The following KCNQ2 variants were observed in gnomAD, a reference collection of about 807,000 sequenced individuals.
KCNQ2 encodes potassium voltage-gated channel subfamily KQT member 2.
A neutral mutation model predicts 84.8 loss-of-function variants in KCNQ2; 14 were observed. That is an observed-to-expected ratio of 0.17 (90% CI 0.11 to 0.26). KCNQ2 has a LOEUF of 0.26. KCNQ2 is among the 10% of genes least tolerant of loss of function. KCNQ2 has a pLI of 1.00. For synonymous variants in KCNQ2, 599 were observed against 554.1 expected (o/e 1.08, Z -1.14); for missense variants, 788 against 1,254.0 (o/e 0.63, Z 5.61).
intron 1 of KCNQ2, among the ~76,000 whole-genome samples, chr20:63,471,458 C>G (rs924889641): frequency 6.6e-6 from 1 of 152,254 alleles, no homozygotes; most frequent in East Asian, 1.9e-4. Context: ...GCCGCAGCCC[C>G]TCCCCCGGGC....
intron 4 of KCNQ2, among the ~76,000 whole-genome samples, chr20:63,443,436 C>CCAT (rs2081315410): frequency 5.0e-5 from 3 of 60,208 alleles, no homozygotes; most frequent in East Asian, 1.1e-3. Context: ...ATCACCATCA[C>CCAT]CATCACCACC....
In KCNQ2 at chr20:63,400,386, C is replaced by T. The variant is rs2079784877; in HGVS notation, c.*6258G>A. 1.0e-5 allele frequency: 4 copies of T among 382,968 alleles called. No homozygotes were observed. Among genetic ancestry groups the T allele is most frequent in the South Asian group, 2.9e-4 (2 of 6,840 alleles). 23.7% of individuals were successfully genotyped at this position (382,968 alleles called of 1,614,324 possible). A position where few individuals can be genotyped will look rare whatever the true frequency, so the allele number is the denominator to read the frequency against. ...CTTACGGCTCTGGCATCAACCTGTC[C>T]GTGTGAGTAAGTTAATATCTCAGCT... On this transcript the variant is annotated 3_prime_UTR_variant, in exon 17 of 17. Transcript: ENST00000359125. The surrounding 1 kb of genome is among the most constrained non-coding windows in gnomAD (Gnocchi z 8.7).
In KCNQ2 at chr20:63,436,846, G is replaced by A. The variant is rs373540914; in HGVS notation, c.1023+1779C>T. Reference sequence around the variant, plus strand: ...GGCTGGAATGCAGTGGCGCAATCTCGGCTCACTGCAACCTCCGTCTCCCGG... The same window carrying A: ...GGCTGGAATGCAGTGGCGCAATCTCAGCTCACTGCAACCTCCGTCTCCCGG... On this transcript the variant is annotated intron_variant, in intron 7 of 16. Coordinates refer to ENST00000359125, the MANE Select transcript of KCNQ2 (RefSeq NM_172107.4). Among the ~76,000 whole-genome samples the A allele has an allele frequency of 1.6e-3, 229 of 141,882 alleles. 1 individual carries two copies. The highest frequency in any genetic ancestry group is 4.9e-3 in the African/African-American group (184 of 37,652). 93.1% of individuals were successfully genotyped at this position (141,882 alleles called of 152,430 possible). A position where few individuals can be genotyped will look rare whatever the true frequency, so the allele number is the denominator to read the frequency against.
At chr20:63,453,674 A>G (rs1431959092) in intron 1 of KCNQ2, 1 of 152,458 alleles carries the variant, frequency 6.6e-6, no homozygotes, top group Non-Finnish European at 1.5e-5. Context: ...CAGCAGAGCC[A>G]CGCACATAAT....
chr20:63,461,595 TC>T (rs2081948397), intron 1 of KCNQ2, among the ~76,000 whole-genome samples: 1 of 151,870 alleles, frequency 6.6e-6, no homozygotes, highest in Non-Finnish European at 1.5e-5. Context: ...TCCTCCCCCA[TC>T]CCCAAGAGTG....
intron 12 of KCNQ2, among the ~76,000 whole-genome samples, chr20:63,417,888 A>G (rs542442157): frequency 1.3e-5 from 2 of 152,294 alleles, no homozygotes; most frequent in East Asian, 1.9e-4. Context: ...GACGCAGCCC[A>G]CGTGTACTGC....
rs1348873077 is a variant in KCNQ2 at position 63,401,443 on chromosome 20, T to C, written c.*5201A>G. On this transcript the variant is annotated 3_prime_UTR_variant, in exon 17 of 17. Coordinates refer to ENST00000359125, the MANE Select transcript of KCNQ2 (RefSeq NM_172107.4). ...CCTGCGTATTCCCTCGACCCCGGAG[T>C]CCACCATCCCACATCCTTCAGGAAG... 1 of 152,286 alleles carries C rather than the reference T, an allele frequency of 6.6e-6. No individual in the cohort carries two copies. Among genetic ancestry groups the C allele is most frequent in the Non-Finnish European group, 1.5e-5 (1 of 68,178 alleles). 9.4% of individuals were successfully genotyped at this position (152,286 alleles called of 1,614,324 possible).
rs1258611557 is a variant in KCNQ2, at chr20:63,407,306, T to G, written c.1957A>C (p.Thr653Pro). ...IYMQRMGIPP[T>P]ETEAYFGAKE... The stretch of plus-strand genomic sequence containing the variant: ...GCCCCAAAGTAGGCCTCGGTCTCTG[T>G]CGGGGGGATGCCCATCCGCTGCATG... Residue 653 changes from threonine to proline, a missense_variant, in exon 17 of 17, where the codon ACA becomes CCA. Around this residue, in one of 8 missense-constraint regions of KCNQ2, gnomAD observed 378 missense variants for 434.5 expected, o/e 0.87. Transcript: ENST00000359125. This position sits in a 1 kb window ranked among gnomAD's most constrained non-coding sequence, Gnocchi z 7.2. The G allele has an allele frequency of 6.3e-7, 1 of 1,596,386 alleles. No homozygotes were observed. The highest frequency in any genetic ancestry group is 8.5e-7 in the Non-Finnish European group (1 of 1,178,084).
At position 63,408,638 on chromosome 20, in the gene KCNQ2, C is replaced by T. The variant is rs1014377254; in HGVS notation, c.1764-102G>A. On this transcript the variant is annotated intron_variant, in intron 15 of 16. Coordinates refer to ENST00000359125, the MANE Select transcript of KCNQ2 (RefSeq NM_172107.4). This position sits in a 1 kb window ranked among gnomAD's most constrained non-coding sequence, Gnocchi z 5.0. Reference sequence around the variant, plus strand: ...CCACAGTGCCCCTGGGTCTAGGCTGCAGGCTCAGCCCAGAGCCGACCAGGG... The same window carrying T: ...CCACAGTGCCCCTGGGTCTAGGCTGTAGGCTCAGCCCAGAGCCGACCAGGG... 6 of 1,532,262 alleles carry T rather than the reference C, an allele frequency of 3.9e-6. No homozygotes were observed. Among genetic ancestry groups the T allele is most frequent in the Admixed American group, 3.8e-5 (2 of 52,292 alleles). The allele number at this position is 1,532,262 out of a possible 1,614,324, so 94.9% of individuals were successfully genotyped here. A position where few individuals can be genotyped will look rare whatever the true frequency, so the allele number is the denominator to read the frequency against.
chr20:63,447,842 C>T (rs1283042122), intron 1 of KCNQ2, among the ~76,000 whole-genome samples: 1 of 152,200 alleles, frequency 6.6e-6, no homozygotes, highest in Non-Finnish European at 1.5e-5. Flanking sequence ...AGTGATGCTC[C>T]CGCCTCGGCC....
At chr20:63,442,674 C>CCACCATCACCAT (rs2081207129) in intron 4 of KCNQ2, 143 bp from the exon 5 acceptor site, 1 of 522,880 alleles carries the variant, frequency 1.9e-6, no homozygotes. Flanking sequence ...ACCACCACCA[C>CCACCATCACCAT]CACCACCACC....
intron 7 of KCNQ2, among the ~76,000 whole-genome samples, chr20:63,437,966 C>T (rs941195443): frequency 2.0e-5 from 3 of 152,300 alleles, no homozygotes; most frequent in East Asian, 1.9e-4. Flanking sequence ...CACGCCACCA[C>T]GCCCAGCTAA....
chr20:63,454,897 G>A (rs972959867), intron 1 of KCNQ2, among the ~76,000 whole-genome samples: 38 of 152,216 alleles, frequency 2.5e-4, no homozygotes, highest in Non-Finnish European at 2.1e-4. Context: ...GAGGCCTCTC[G>A]GGACGGGGCC....
chr20:63,401,126 G>C lies in KCNQ2; in HGVS notation c.*5518C>G, dbSNP rs557862525. On this transcript the variant is annotated 3_prime_UTR_variant, in exon 17 of 17. Coordinates refer to ENST00000359125, the MANE Select transcript of KCNQ2 (RefSeq NM_172107.4). ...CAGAGCCAGTCTCCTCGGCCAGCCA[G>C]GGGCACCACGGCAAGTGTCCAAGCC... 5.5e-6 allele frequency: 2 copies of C among 366,202 alleles called. No homozygotes were observed. The highest frequency in any genetic ancestry group is 9.3e-5 in the Admixed American group (2 of 21,564). 22.7% of individuals were successfully genotyped at this position (366,202 alleles called of 1,614,324 possible).
At position 63,407,007 on chromosome 20, in the gene KCNQ2, C is replaced by G; in HGVS notation, c.2256G>C (p.Leu752=). The G allele has an allele frequency of 6.5e-7, 1 of 1,535,538 alleles. No homozygotes were observed. Among genetic ancestry groups the G allele is most frequent in the Non-Finnish European group, 8.7e-7 (1 of 1,143,782 alleles). ...CGCGGTTGCCCCCGCCGTAGGCGGA[C>G]AGCGACCGCTCGTGGGCAGGCGGCG... is the stretch of plus-strand genomic sequence containing the variant. ...IPPPPAHERS[L]SAYGGGNRAS... is the part of the protein sequence containing the mutation. Residue 752 remains leucine (L), a synonymous_variant, in exon 17 of 17, where the codon CTG becomes CTC. Coordinates refer to ENST00000359125, the MANE Select transcript of KCNQ2 (RefSeq NM_172107.4). The surrounding 1 kb of genome is among the most constrained non-coding windows in gnomAD (Gnocchi z 7.2).
At chr20:63,467,343 G>A (rs1441607703) in intron 1 of KCNQ2, among the ~76,000 whole-genome samples, 1 of 152,240 alleles carries the variant, frequency 6.6e-6, no homozygotes, top group African/African-American at 2.4e-5. Context: ...AGCAGCTTCA[G>A]GCCCAGCTCC....
intron 11 of KCNQ2, chr20:63,423,892 T>C (rs901508481): frequency 1.9e-5 from 10 of 518,168 alleles, no homozygotes; most frequent in African/African-American, 1.8e-4. Context: ...GGGGCCAGAC[T>C]TGTGGGCGGG....
At position 63,438,612 on chromosome 20, in the gene KCNQ2, C is replaced by T. The variant is rs773367737; in HGVS notation, c.1023+13G>A. ...AAGGGCTGTGCTGGTCCCCGGGGGA[C>T]ACCTGGACTCACCTGGATCAGGCCT... On this transcript the variant is annotated intron_variant, in intron 7 of 16. Coordinates refer to ENST00000359125, the MANE Select transcript of KCNQ2 (RefSeq NM_172107.4). This position sits in a 1 kb window ranked among gnomAD's most constrained non-coding sequence, Gnocchi z 5.1. The T allele has an allele frequency of 1.9e-6, 3 of 1,610,918 alleles. No individual in the cohort carries two copies. Among genetic ancestry groups the T allele is most frequent in the South Asian group, 1.1e-5 (1 of 91,022 alleles).
Position 63,414,963 on chromosome 20 carries a change from G to A in KCNQ2, c.1465C>T (p.Arg489Cys), listed in dbSNP as rs775387876. The A allele has an allele frequency of 6.8e-6, 11 of 1,612,290 alleles. No individual in the cohort carries two copies. The highest frequency in any genetic ancestry group is 2.2e-5 in the South Asian group (2 of 91,052). ...CGGAAAGCCTGGCGTGCCCGGCTGC[G>A]GTCCCCGAAGCTCCAGCTCTTGGGC... The part of the protein sequence containing the change: ...KVPKSWSFGD[R>C]SRARQAFRIK... Residue 489 changes from arginine (R) to cysteine (C), a missense_variant, in exon 13 of 17, where the codon CGC (arginine) becomes TGC (cysteine). Transcript: ENST00000359125. The surrounding 1 kb of genome is among the most constrained non-coding windows in gnomAD (Gnocchi z 6.6).
Sources: gnomAD v4.1 joint callset for allele counts (sites outside exome capture counted in the v4.1 genomes callset) on GRCh38, gnomAD v4.1.1 for gene constraint, gnomAD v4.1.1 regional missense constraint, Gnocchi (gnomAD v3.1) non-coding constraint, MANE v1.5 for transcripts, NCBI Gene and HGNC (gene_info 2026-07-23, HGNC 2026-07-21) for gene names.